The following CACNA2D3 variants were observed in gnomAD, a reference collection of about 807,000 sequenced individuals.
CACNA2D3 encodes calcium voltage-gated channel auxiliary subunit alpha2delta 3, also known as voltage-dependent calcium channel subunit alpha-2/delta-3.
CACNA2D3 carries 60 observed loss-of-function variants against 160.6 expected under a neutral mutation model. The observed-to-expected ratio is 0.37, with a 90% CI of 0.30 to 0.46. The LOEUF is 0.46. CACNA2D3 is among the 20% of genes least tolerant of loss of function. The pLI, the probability that CACNA2D3 is intolerant of heterozygous loss-of-function variation, is 1.00. For synonymous variants in CACNA2D3, 558 were observed against 492.9 expected, an observed-to-expected ratio of 1.13 and a Z score of -1.75; for missense variants, 1,205 against 1,365.0, an observed-to-expected ratio of 0.88 and a Z score of 1.85.
chr3:54,835,867 T>A (rs1342940723), intron 14 of CACNA2D3, among the ~76,000 whole-genome samples: 1 of 152,222 alleles, frequency 6.6e-6, no homozygotes, highest in Non-Finnish European at 1.5e-5. Flanking sequence ...GAAGCTGGCA[T>A]CCTTTGAGCA....
At chr3:54,774,682 T>C (rs1359408943) in intron 13 of CACNA2D3, among the ~76,000 whole-genome samples, 2 of 139,068 alleles carry the variant, frequency 1.4e-5, no homozygotes, top group African/African-American at 5.4e-5. Flanking sequence ...TCGCCCAGGC[T>C]GGAGTGCAGT....
At chr3:54,870,815 G>A (rs555840612) in intron 17 of CACNA2D3, among the ~76,000 whole-genome samples, 5 of 152,312 alleles carry the variant, frequency 3.3e-5, no homozygotes, top group Admixed American at 6.5e-5. Context: ...CAGTGTGACA[G>A]CGAATAGATG....
intron 17 of CACNA2D3, among the ~76,000 whole-genome samples, chr3:54,848,631 G>A (rs1461976402): frequency 6.6e-6 from 1 of 152,214 alleles, no homozygotes; most frequent in Non-Finnish European, 1.5e-5. Flanking sequence ...CCATCTGAAT[G>A]TGGTCAATAA....
intron 29 of CACNA2D3, among the ~76,000 whole-genome samples, chr3:54,983,497 G>T (rs184072852): frequency 1.3e-5 from 2 of 152,166 alleles, no homozygotes; most frequent in African/African-American, 2.4e-5. Flanking sequence ...CTGTGAACAG[G>T]TTACTCAAGT....
At chr3:54,807,425 A>G (rs1249194783) in intron 13 of CACNA2D3, among the ~76,000 whole-genome samples, 1 of 152,262 alleles carries the variant, frequency 6.6e-6, no homozygotes. Context: ...AAAAGAAGGC[A>G]TTTATGCAGC....
At chr3:54,348,284 G>A (rs1698493648) in intron 3 of CACNA2D3, among the ~76,000 whole-genome samples, 1 of 152,098 alleles carries the variant, frequency 6.6e-6, no homozygotes, top group South Asian at 2.1e-4. Context: ...AGTAAGTATT[G>A]GTACGTTTTG....
At chr3:54,957,116 A>G (rs962131094) in intron 27 of CACNA2D3, among the ~76,000 whole-genome samples, 16 of 152,140 alleles carry the variant, frequency 1.1e-4, no homozygotes, top group African/African-American at 3.9e-4. Context: ...TACTACTGCT[A>G]TGATTACTAT....
chr3:54,531,821 A>G (rs1299663503), intron 5 of CACNA2D3, among the ~76,000 whole-genome samples: 3 of 152,162 alleles, frequency 2.0e-5, no homozygotes, highest in African/African-American at 4.8e-5. Flanking sequence ...TAAAAAACGG[A>G]TTTTTGTCTA....
At chr3:54,881,555 AGTT>A (rs1699796933) in intron 21 of CACNA2D3, among the ~76,000 whole-genome samples, 1 of 152,148 alleles carries the variant, frequency 6.6e-6, no homozygotes, top group Non-Finnish European at 1.5e-5. Flanking sequence ...GCTCCCTAGT[AGTT>A]CAGAGAGGTT....
chr3:54,931,281 A>G (rs192907293), intron 27 of CACNA2D3, among the ~76,000 whole-genome samples: 66 of 152,252 alleles, frequency 4.3e-4, no homozygotes, highest in African/African-American at 1.6e-3. Flanking sequence ...GTTCTGTTTT[A>G]CTCATGCTGA....
chr3:55,026,615 G>A (rs1703568436), intron 35 of CACNA2D3, among the ~76,000 whole-genome samples: 1 of 152,164 alleles, frequency 6.6e-6, no homozygotes, highest in South Asian at 2.1e-4. Flanking sequence ...TGCACACCCG[G>A]GCAGAGAGAA....
At chr3:54,681,158 AAGT>A (rs1039905475) in intron 11 of CACNA2D3, among the ~76,000 whole-genome samples, 14 of 152,020 alleles carry the variant, frequency 9.2e-5, no homozygotes, top group African/African-American at 2.7e-4. Context: ...AAGAGAGAGA[AAGT>A]AGACAAAACT....
chr3:54,809,817 T>C (rs887706147), intron 13 of CACNA2D3, among the ~76,000 whole-genome samples: 5 of 151,946 alleles, frequency 3.3e-5, no homozygotes, highest in East Asian at 1.9e-4. Flanking sequence ...TCAACAAATA[T>C]ACACTGAATT....
chr3:55,053,518 T>C (rs1166499551), intron 35 of CACNA2D3, among the ~76,000 whole-genome samples: 2 of 151,988 alleles, frequency 1.3e-5, no homozygotes, highest in Non-Finnish European at 2.9e-5. Flanking sequence ...TGCACATCTG[T>C]TGTCAGATTT....
intron 3 of CACNA2D3, chr3:54,386,066 A>C (rs776679732): frequency 4.2e-5 from 18 of 428,574 alleles, no homozygotes; most frequent in Non-Finnish European, 6.9e-5. Flanking sequence ...GTTTCATAAG[A>C]ATATTAATGT....
chr3:54,573,640 TATTGA>T (rs776241287), intron 8 of CACNA2D3, among the ~76,000 whole-genome samples: 19 of 152,210 alleles, frequency 1.2e-4, no homozygotes, highest in Non-Finnish European at 1.8e-4. Flanking sequence ...GGTGTGCTTC[TATTGA>T]ATAAAATCTA....
chr3:55,020,849 CAAA>C (rs759779848), intron 35 of CACNA2D3, among the ~76,000 whole-genome samples: 1 of 134,374 alleles, frequency 7.4e-6, no homozygotes, highest in South Asian at 2.4e-4. Flanking sequence ...GATTCCGTCT[CAAA>C]AAAAAAAAAA....
In CACNA2D3 at chr3:54,200,664, A is replaced by T. The variant is rs535262388; in HGVS notation, c.204+77070A>T. Among the ~76,000 whole-genome samples the T allele has an allele frequency of 3.9e-5, 6 of 152,284 alleles. No homozygotes were observed. In the South Asian group the frequency reaches 1.2e-3, roughly 32 times the overall value. On this transcript the variant is annotated intron_variant, in intron 2 of 37. Coordinates refer to ENST00000474759, the MANE Select transcript of CACNA2D3 (RefSeq NM_018398.3). ...AAACGATCTCTAGCATATATTTGTG[A>T]TTTTCTCATTTCAGCATCCATTCCT...
intron 4 of CACNA2D3, among the ~76,000 whole-genome samples, chr3:54,490,228 C>T (rs1051818800): frequency 1.3e-5 from 2 of 152,190 alleles, no homozygotes; most frequent in Non-Finnish European, 2.9e-5. Context: ...TACATTGTAT[C>T]CCATTCGATC....
Sources: gnomAD v4.1 joint callset for allele counts (sites outside exome capture counted in the v4.1 genomes callset) on GRCh38, gnomAD v4.1.1 for gene constraint, MANE v1.5 for transcripts, NCBI Gene and HGNC (gene_info 2026-07-23, HGNC 2026-07-21) for gene names.